RNASE2: variants seen among roughly 807,000 people sequenced by gnomAD.
The protein encoded by RNASE2 is ribonuclease A family member 2, also known as non-secretory ribonuclease.
For missense variants in RNASE2, 170 were observed against 197.9 expected (o/e 0.86, Z 0.85); for synonymous variants, 67 against 68.9 (o/e 0.97, Z 0.13).
chr14:20,956,206 A>G lies in RNASE2; in HGVS notation c.435A>G (p.Arg145=), dbSNP rs8013670. 35,296 of 1,614,050 alleles carry G rather than the reference A, an allele frequency of 0.022. 2,240 individuals are homozygous for G. The highest frequency in any genetic ancestry group is 0.2 in the African/African-American group (14,630 of 74,974). ...IVACDNRDQR[R]DPPQYPVVPV... is the part of the protein sequence containing the mutation. ...CATGTGACAACAGAGATCAACGACG[A>G]GACCCTCCACAGTATCCGGTGGTTC... is the stretch of plus-strand genomic sequence containing the variant. Residue 145 remains arginine, a synonymous_variant, in exon 2 of 2, where the codon CGA becomes CGG. Coordinates refer to ENST00000304625, the MANE Select transcript of RNASE2 (RefSeq NM_002934.3).
Position 20,956,219 on chromosome 14 carries a change from T to C in RNASE2, c.448T>C (p.Tyr150His). ...AGATCAACGACGAGACCCTCCACAGTATCCGGTGGTTCCAGTTCACCTGGA... is the reference window on the plus strand; with the variant it reads ...AGATCAACGACGAGACCCTCCACAGCATCCGGTGGTTCCAGTTCACCTGGA... Reference protein sequence around the residue: ...NRDQRRDPPQYPVVPVHLDRI... With the variant: ...NRDQRRDPPQHPVVPVHLDRI... The change falls in exon 2 of 2, where the codon TAT becomes CAT. Residue 150 changes from tyrosine (Y) to histidine (H), a missense_variant. By Grantham distance (83) the Tyr-to-His change is moderately conservative. Coordinates refer to ENST00000304625, the MANE Select transcript of RNASE2 (RefSeq NM_002934.3). 6.2e-7 allele frequency: 1 copy of C among 1,614,204 alleles called. No individual in the cohort carries two copies. The highest frequency in any genetic ancestry group is 8.5e-7 in the Non-Finnish European group (1 of 1,180,032).
At chr14:20,955,631 G>C (rs2013109) in intron 1 of RNASE2, 95 bp downstream of exon 1, 280,860 of 1,127,990 alleles carry the variant, frequency 0.25, 36,899 homozygotes, top group East Asian at 0.37. Context: ...AGGAGACGTT[G>C]CACACTTTGC....
chr14:20,955,692 TG>T, intron 1 of RNASE2, 74 bp from the exon 2 acceptor site: 1 of 1,518,648 alleles, frequency 6.6e-7, no homozygotes, highest in South Asian at 1.4e-5. Context: ...GAGGGGCCTG[TG>T]GGGTAAGACA....
At position 20,956,015 on chromosome 14, in the gene RNASE2, T is replaced by G; in HGVS notation, c.244T>G (p.Cys82Gly). 2.5e-6 allele frequency: 4 copies of G among 1,614,252 alleles called. No individual in the cohort carries two copies. The highest frequency in any genetic ancestry group is 3.4e-6 in the Non-Finnish European group (4 of 1,180,050). ...LTTFANVVNV[C>G]GNPNMTCPSN... The stretch of plus-strand genomic sequence containing the variant: ...AACTTTTGCTAACGTAGTTAATGTT[T>G]GTGGTAACCCAAATATGACCTGTCC... The change falls in exon 2 of 2, where the codon TGT becomes GGT. Residue 82 changes from cysteine (C) to glycine (G), a missense_variant. Transcript: ENST00000304625.
intron 1 of RNASE2, 40 bp downstream of exon 1, chr14:20,955,576 C>T (rs1879182374): frequency 1.5e-6 from 1 of 685,296 alleles, no homozygotes; most frequent in Non-Finnish European, 2.4e-6. Context: ...GAAGGGGCAG[C>T]AATGGGGCAG....
In RNASE2 at chr14:20,955,791, C is replaced by T. The variant is rs1337647536; in HGVS notation, c.20C>T (p.Thr7Ile). Residue 7 changes from threonine to isoleucine, a missense_variant, in exon 2 of 2, where the codon ACT becomes ATT. Thr to Ile is a moderately conservative substitution (Grantham distance 89). Coordinates refer to ENST00000304625, the MANE Select transcript of RNASE2 (RefSeq NM_002934.3). The stretch of plus-strand genomic sequence containing the variant: ...GGAAACATGGTTCCAAAACTGTTCA[C>T]TTCCCAAATTTGTCTGCTTCTTCTG... Reference protein sequence around the residue: MVPKLFTSQICLLLLLG... With the variant: MVPKLFISQICLLLLLG... 1 of 1,611,374 alleles carries T rather than the reference C, an allele frequency of 6.2e-7. No homozygotes were observed. The highest frequency in any genetic ancestry group is 8.5e-7 in the Non-Finnish European group (1 of 1,178,908).
Position 20,956,050 on chromosome 14 carries a change from A to G in RNASE2, c.279A>G (p.Lys93=), listed in dbSNP as rs751489681. ...CAAATATGACCTGTCCTAGTAACAA[A>G]ACTCGCAAAAATTGTCACCACAGTG... ...GNPNMTCPSN[K]TRKNCHHSGS... Residue 93 remains lysine, a synonymous_variant, in exon 2 of 2, where the codon AAA becomes AAG. Transcript: ENST00000304625. The G allele has an allele frequency of 1.1e-5, 17 of 1,614,070 alleles. No individual in the cohort carries two copies. The Admixed American group carries it at 1.8e-4, about 17-fold the overall frequency.
Position 20,955,926 on chromosome 14 carries a change from A to G in RNASE2, c.155A>G (p.Asn52Ser), listed in dbSNP as rs753527012. ...HINMTSQQCTNAMQVINNYQR... is the reference protein window; with the variant it reads ...HINMTSQQCTSAMQVINNYQR... ...AATATGACCTCCCAGCAATGCACCA[A>G]TGCAATGCAGGTCATTAACAATTAT... Residue 52 changes from asparagine to serine, a missense_variant, in exon 2 of 2, where the codon AAT becomes AGT. By Grantham distance (46) the Asn-to-Ser change is conservative. Transcript: ENST00000304625. 3.9e-5 allele frequency: 63 copies of G among 1,614,114 alleles called. 2 individuals carry two copies. The South Asian group carries it at 6.6e-4, about 17-fold the overall frequency.
In RNASE2 at chr14:20,956,312, G is replaced by A; in HGVS notation, c.*55G>A. 6.3e-7 allele frequency: 1 copy of A among 1,594,796 alleles called. No individual in the cohort carries two copies. The stretch of plus-strand genomic sequence containing the variant: ...TCATCTGCCAAGCTCCTCAATCATA[G>A]CCAAGATCCCATCTCTCCATATACT... On this transcript the variant is annotated 3_prime_UTR_variant, in exon 2 of 2. Transcript: ENST00000304625.
Position 20,956,017 on chromosome 14 carries a change from T to C in RNASE2, c.246T>C (p.Cys82=), listed in dbSNP as rs761497380. The change falls in exon 2 of 2, where the codon TGT becomes TGC. Residue 82 remains cysteine (C), a synonymous_variant. Transcript: ENST00000304625. ...LTTFANVVNV[C]GNPNMTCPSN... is the part of the protein sequence containing the mutation. ...CTTTTGCTAACGTAGTTAATGTTTG[T>C]GGTAACCCAAATATGACCTGTCCTA... 3 of 1,614,254 alleles carry C rather than the reference T, an allele frequency of 1.9e-6. No homozygotes were observed. In the Admixed American group the frequency reaches 5.0e-5, roughly 27 times the overall value.
Position 20,956,019 on chromosome 14 carries a change from G to A in RNASE2, c.248G>A (p.Gly83Asp). ...TTFANVVNVC[G>D]NPNMTCPSNK... The stretch of plus-strand genomic sequence containing the variant: ...TTTGCTAACGTAGTTAATGTTTGTG[G>A]TAACCCAAATATGACCTGTCCTAGT... The change falls in exon 2 of 2, where the codon GGT becomes GAT. Residue 83 changes from glycine to aspartate, a missense_variant. Coordinates refer to ENST00000304625, the MANE Select transcript of RNASE2 (RefSeq NM_002934.3). 6.2e-7 allele frequency: 1 copy of A among 1,614,150 alleles called. No homozygotes were observed.
chr14:20,955,655 A>G (rs965588149), intron 1 of RNASE2, 112 bp from the exon 2 acceptor site: 29 of 1,386,510 alleles, frequency 2.1e-5, no homozygotes, highest in Non-Finnish European at 2.7e-5. Context: ...CAGGAAGTAA[A>G]GGAAATGGGA....
At position 20,955,939 on chromosome 14, in the gene RNASE2, C is replaced by A. The variant is rs200694912; in HGVS notation, c.168C>A (p.Val56=). 5.8e-5 allele frequency: 93 copies of A among 1,614,124 alleles called. No individual in the cohort carries two copies. Among genetic ancestry groups the A allele is most frequent in the Non-Finnish European group, 5.2e-5 (61 of 1,179,986 alleles). ...AGCAATGCACCAATGCAATGCAGGT[C>A]ATTAACAATTATCAACGGCGATGCA... ...TSQQCTNAMQ[V]INNYQRRCKN... Residue 56 remains valine (V), a synonymous_variant, in exon 2 of 2, where the codon GTC becomes GTA. Coordinates refer to ENST00000304625, the MANE Select transcript of RNASE2 (RefSeq NM_002934.3).
chr14:20,956,402 T>G lies in RNASE2; in HGVS notation c.*145T>G. The G allele has an allele frequency of 8.4e-7, 1 of 1,194,436 alleles. No individual in the cohort carries two copies. The highest frequency in any genetic ancestry group is 2.4e-5 in the East Asian group (1 of 42,482). 74.0% of individuals were successfully genotyped at this position (1,194,436 alleles called of 1,614,324 possible). ...TTCAGCTTTCCTGAGCTGAAGTGCC[T>G]TGTGAACCCTGCAATAAACTGCTTT... On this transcript the variant is annotated 3_prime_UTR_variant, in exon 2 of 2. Coordinates refer to ENST00000304625, the MANE Select transcript of RNASE2 (RefSeq NM_002934.3).
rs887023202 is a variant in RNASE2, at chr14:20,956,401, C to A, written c.*144C>A. ...CTTCAGCTTTCCTGAGCTGAAGTGC[C>A]TTGTGAACCCTGCAATAAACTGCTT... On this transcript the variant is annotated 3_prime_UTR_variant, in exon 2 of 2. Transcript: ENST00000304625. 29 of 1,193,468 alleles carry A rather than the reference C, an allele frequency of 2.4e-5. No individual in the cohort carries two copies. The highest frequency in any genetic ancestry group is 3.3e-5 in the Non-Finnish European group (28 of 842,058). 73.9% of individuals were successfully genotyped at this position (1,193,468 alleles called of 1,614,324 possible).
At chr14:20,955,715 G>A in intron 1 of RNASE2, 52 bp from the exon 2 acceptor site, 1 of 1,553,008 alleles carries the variant, frequency 6.4e-7, no homozygotes, top group South Asian at 1.3e-5. Flanking sequence ...TACAGTGTGT[G>A]TCATAACCAA....
rs1462778364 is a variant in RNASE2 at position 20,955,758 on chromosome 14, T to C, written c.-5-9T>C. 6.3e-7 allele frequency: 1 copy of C among 1,595,562 alleles called. No individual in the cohort carries two copies. Among genetic ancestry groups the C allele is most frequent in the Non-Finnish European group, 8.5e-7 (1 of 1,171,892 alleles). On this transcript the variant is annotated splice_polypyrimidine_tract_variant and intron_variant, in intron 1 of 1. Transcript: ENST00000304625. Reference sequence around the variant, plus strand: ...TCAGGGAGTAGTTACTTCTCTTCTTTTCTTACAGGAAACATGGTTCCAAAA... The same window carrying C: ...TCAGGGAGTAGTTACTTCTCTTCTTCTCTTACAGGAAACATGGTTCCAAAA...
In RNASE2 at chr14:20,955,963, C is replaced by G. The variant is rs1255482781; in HGVS notation, c.192C>G (p.Cys64Trp). The change falls in exon 2 of 2, where the codon TGC (cysteine) becomes TGG (tryptophan). Residue 64 changes from cysteine (C) to tryptophan (W), a missense_variant. Transcript: ENST00000304625. ...MQVINNYQRR[C>W]KNQNTFLLTT... Reference sequence around the variant, plus strand: ...TCATTAACAATTATCAACGGCGATGCAAAAACCAAAATACTTTCCTTCTTA... The same window carrying G: ...TCATTAACAATTATCAACGGCGATGGAAAAACCAAAATACTTTCCTTCTTA... 6.2e-7 allele frequency: 1 copy of G among 1,614,042 alleles called. No homozygotes were observed. Among genetic ancestry groups the G allele is most frequent in the Non-Finnish European group, 8.5e-7 (1 of 1,180,032 alleles).
At position 20,955,730 on chromosome 14, in the gene RNASE2, C is replaced by T. The variant is rs138834649; in HGVS notation, c.-5-37C>T. The T allele has an allele frequency of 7.7e-4, 1,212 of 1,567,774 alleles. 9 individuals carry two copies. The African/African-American group carries it at 0.013, about 16-fold the overall frequency. On this transcript the variant is annotated intron_variant, in intron 1 of 1. Coordinates refer to ENST00000304625, the MANE Select transcript of RNASE2 (RefSeq NM_002934.3). ...TACAGTGTGTGTCATAACCAAGACC[C>T]GATCAGGGAGTAGTTACTTCTCTTC...
Sources: allele counts gnomAD v4.1 joint callset, GRCh38; gene constraint gnomAD v4.1.1; transcripts MANE v1.5; gene names NCBI Gene and HGNC (gene_info 2026-07-23, HGNC 2026-07-21).